Variants in GABRB3 observed in about 807,000 individuals in gnomAD.
GABRB3 encodes the protein gamma-aminobutyric acid receptor subunit beta-3.
GABRB3 carries 14 observed loss-of-function variants against 52.1 expected under a neutral mutation model. That is an observed-to-expected ratio of 0.27 (90% CI 0.18 to 0.42). GABRB3 has a LOEUF of 0.42. Ranked by LOEUF, GABRB3 falls within the 10% of genes least tolerant of loss-of-function variation. The pLI, the probability that GABRB3 is intolerant of heterozygous loss-of-function variation, is 1.00. For synonymous variants in GABRB3, 260 were observed against 232.3 expected (o/e 1.12, Z -1.08); for missense variants, 307 against 609.1 (o/e 0.50, Z 5.22).
rs140618517 is a variant in GABRB3, at chr15:26,751,494, T to G, written c.240+20908A>C. On this transcript the variant is annotated intron_variant, in intron 3 of 8. Coordinates refer to ENST00000311550, the MANE Select transcript of GABRB3 (RefSeq NM_000814.6). ...AGGGCTCTCTAGACACAGAAGATCA[T>G]GAGATAAAGAATCTGAAAGTAACCA... Among the ~76,000 whole-genome samples the G allele has an allele frequency of 9.7e-4, 147 of 152,244 alleles. 1 individual carries two copies. Among genetic ancestry groups the G allele is most frequent in the African/African-American group, 3.3e-3 (137 of 41,548 alleles).
At chr15:26,704,624 A>G (rs1593471) in intron 3 of GABRB3, among the ~76,000 whole-genome samples, 143,954 of 152,256 alleles carry the variant, frequency 0.95, 68,364 homozygotes, top group East Asian at 1. Flanking sequence ...AAGCATGTAA[A>G]AGAAGCCACG....
intron 6 of GABRB3, among the ~76,000 whole-genome samples, chr15:26,578,522 C>G (rs1236913006): frequency 6.6e-6 from 1 of 152,186 alleles, no homozygotes; most frequent in African/African-American, 2.4e-5. Context: ...GGGATTGCAC[C>G]TGGAGGAAGG....
At chr15:26,672,704 G>A (rs557094632) in intron 3 of GABRB3, among the ~76,000 whole-genome samples, 3 of 152,188 alleles carry the variant, frequency 2.0e-5, no homozygotes, top group South Asian at 2.1e-4. Context: ...TTTTCTTGGC[G>A]TAATTCTCCA....
At chr15:26,624,493 C>T in intron 3 of GABRB3, 1 of 985,416 alleles carries the variant, frequency 1.0e-6, no homozygotes. Flanking sequence ...CCCTAGGAGC[C>T]CGGCTGTCAC....
Position 26,621,240 on chromosome 15 carries a change from A to T in GABRB3, c.461+74T>A. On this transcript the variant is annotated intron_variant, in intron 4 of 8. Coordinates refer to ENST00000311550, the MANE Select transcript of GABRB3 (RefSeq NM_000814.6). The surrounding 1 kb of genome is among the most constrained non-coding windows in gnomAD (Gnocchi z 4.1). ...CTGAGGTCATTGCCTCACTTACAAT[A>T]ATCATCTCAAGTGAGATATTCAACA... 8.9e-7 allele frequency: 1 copy of T among 1,128,940 alleles called. No homozygotes were observed. The highest frequency in any genetic ancestry group is 1.4e-6 in the Non-Finnish European group (1 of 738,740). The allele number at this position is 1,128,940 out of a possible 1,614,324, so 69.9% of individuals were successfully genotyped here. A position where few individuals can be genotyped will look rare whatever the true frequency, so the allele number is the denominator to read the frequency against.
chr15:26,701,481 C>A lies in GABRB3; in HGVS notation c.240+70921G>T, dbSNP rs192451251. Among the ~76,000 whole-genome samples, 337 of 152,246 alleles carry A rather than the reference C, an allele frequency of 2.2e-3. 2 individuals are homozygous for A. Among genetic ancestry groups the A allele is most frequent in the African/African-American group, 7.6e-3 (317 of 41,530 alleles). On this transcript the variant is annotated intron_variant, in intron 3 of 8. Transcript: ENST00000311550. ...ATTGAAAATTTACATTAAAAATACT[C>A]CTTATATGATAGCCTACAAAAATAA...
chr15:26,557,355 C>T lies in GABRB3; in HGVS notation c.1080+3577G>A, dbSNP rs539931375. Among the ~76,000 whole-genome samples the T allele has an allele frequency of 1.2e-4, 18 of 152,226 alleles. No homozygotes were observed. The South Asian group carries it at 3.5e-3, about 30-fold the overall frequency. On this transcript the variant is annotated intron_variant, in intron 8 of 8. Coordinates refer to ENST00000311550, the MANE Select transcript of GABRB3 (RefSeq NM_000814.6). The stretch of plus-strand genomic sequence containing the variant: ...CTCATTACCTGGGTGAGGAAATAAT[C>T]GGTACACCAAACCCTTGTGACATGC...
chr15:26,686,273 T>A (rs1374675570), intron 3 of GABRB3, among the ~76,000 whole-genome samples: 4 of 152,168 alleles, frequency 2.6e-5, no homozygotes, highest in African/African-American at 7.2e-5. Flanking sequence ...TCCTAAAATA[T>A]GAATGACTGT....
In GABRB3 at chr15:26,621,510, G is replaced by C. The variant is rs904100576; in HGVS notation, c.265C>G (p.Gln89Glu). Residue 89 changes from glutamine (Q) to glutamate (E), a missense_variant, in exon 4 of 9, where the codon CAA becomes GAA. Transcript: ENST00000311550. This position sits in a 1 kb window ranked among gnomAD's most constrained non-coding sequence, Gnocchi z 4.1. Reference sequence around the variant, plus strand: ...AGCCTTTTATCTCTCCAATATTGTTGAAAATACATGGTTAAGGTATAATCC... The same window carrying C: ...AGCCTTTTATCTCTCCAATATTGTTCAAAATACATGGTTAAGGTATAATCC... Reference protein sequence around the residue: ...NMDYTLTMYFQQYWRDKRLAY... With the variant: ...NMDYTLTMYFEQYWRDKRLAY... The C allele has an allele frequency of 6.2e-7, 1 of 1,613,410 alleles. No individual in the cohort carries two copies. The highest frequency in any genetic ancestry group is 1.1e-5 in the South Asian group (1 of 91,066).
intron 3 of GABRB3, chr15:26,624,820 C>A (rs1343118482): frequency 1.0e-6 from 1 of 985,338 alleles, no homozygotes; most frequent in Non-Finnish European, 1.2e-6. Flanking sequence ...CCTCCACTCT[C>A]GTGCAGCCGG....
At chr15:26,732,573 T>A (rs541649711) in intron 3 of GABRB3, among the ~76,000 whole-genome samples, 3,360 of 93,228 alleles carry the variant, frequency 0.036, 125 homozygotes, top group African/African-American at 0.1. Context: ...CCAAAAAAAT[T>A]TTTTTTTTTT....
At chr15:26,619,515 T>A (rs1468216739) in intron 4 of GABRB3, among the ~76,000 whole-genome samples, 1 of 107,368 alleles carries the variant, frequency 9.3e-6, no homozygotes, top group Non-Finnish European at 1.8e-5. Flanking sequence ...CTGGGGACTG[T>A]TGTGGGGTGG....
At chr15:26,752,848 G>C (rs1166983282) in intron 3 of GABRB3, among the ~76,000 whole-genome samples, 1 of 152,130 alleles carries the variant, frequency 6.6e-6, no homozygotes, top group Non-Finnish European at 1.5e-5. Context: ...CTACACGCCA[G>C]GACAACATCT....
intron 3 of GABRB3, among the ~76,000 whole-genome samples, chr15:26,760,809 G>GCACACACA (rs10522762): frequency 0.021 from 3,092 of 149,148 alleles, 39 homozygotes; most frequent in Non-Finnish European, 0.024. Flanking sequence ...ACACGCGCAC[G>GCACACACA]CACACACACA....
chr15:26,561,285 G>C, intron 7 of GABRB3, 109 bp from the exon 8 acceptor site: 1 of 1,468,700 alleles, frequency 6.8e-7, no homozygotes, highest in South Asian at 1.1e-5. Flanking sequence ...AGAGATAAGG[G>C]GTTGAATACT....
intron 3 of GABRB3, among the ~76,000 whole-genome samples, chr15:26,650,776 T>G (rs996668980): frequency 1.3e-5 from 2 of 152,076 alleles, no homozygotes; most frequent in African/African-American, 4.8e-5. Flanking sequence ...CCAATCAGCA[T>G]GCACTTCCCA....
chr15:26,758,078 T>C (rs543889003), intron 3 of GABRB3, among the ~76,000 whole-genome samples: 110 of 150,094 alleles, frequency 7.3e-4, no homozygotes, highest in Non-Finnish European at 9.9e-4. Context: ...ATAATGCAAG[T>C]AGCCATACAG....
At chr15:26,599,824 A>G (rs1891523765) in intron 4 of GABRB3, among the ~76,000 whole-genome samples, 1 of 152,214 alleles carries the variant, frequency 6.6e-6, no homozygotes, top group African/African-American at 2.4e-5. Flanking sequence ...GAAGGACACA[A>G]GGATTAAAAA....
At chr15:26,770,309 G>C (rs776552622) in intron 3 of GABRB3, among the ~76,000 whole-genome samples, 7 of 152,056 alleles carry the variant, frequency 4.6e-5, no homozygotes, top group Non-Finnish European at 8.8e-5. Context: ...AAAAATTACT[G>C]TCATAAGAAT....
Sources: allele counts gnomAD v4.1 joint callset (sites outside exome capture counted in the v4.1 genomes callset), GRCh38; gene constraint gnomAD v4.1.1; non-coding constraint Gnocchi (gnomAD v3.1); transcripts MANE v1.5; gene names NCBI Gene and HGNC (gene_info 2026-07-23, HGNC 2026-07-21).